The following DIS3L variants were observed in gnomAD, a reference collection of about 807,000 sequenced individuals.
DIS3L encodes the protein DIS3-like exonuclease 1.
DIS3L carries 100 observed loss-of-function variants against 120.3 expected under a neutral mutation model. The observed-to-expected ratio is 0.83, with a 90% CI of 0.71 to 0.98. The LOEUF (loss-of-function observed/expected upper bound fraction) is 0.98. Ranked by LOEUF, DIS3L falls within the 50% of genes least tolerant of loss-of-function variation. DIS3L has a pLI of 0.00. For missense variants in DIS3L, 1,196 were observed against 1,314.2 expected (o/e 0.91, Z 1.39); for synonymous variants, 426 against 470.6 (o/e 0.91, Z 1.23).
intron 12 of DIS3L, among the ~76,000 whole-genome samples, chr15:66,327,297 C>T (rs2092948950): frequency 6.6e-6 from 1 of 152,176 alleles, no homozygotes; most frequent in Non-Finnish European, 1.5e-5. Context: ...TCATGTACCC[C>T]TTAAGTTACA....
Position 66,329,019 on chromosome 15 carries a change from G to A in DIS3L, c.2251G>A (p.Asp751Asn), listed in dbSNP as rs1482699331. Reference sequence around the variant, plus strand: ...TCTGGATAATGCGAACGACCCCCACGATCCCATTGTGAACAGGCTACTGCG... The same window carrying A: ...TCTGGATAATGCGAACGACCCCCACAATCCCATTGTGAACAGGCTACTGCG... ...DSLDNANDPH[D>N]PIVNRLLRSM... Residue 751 changes from aspartate to asparagine, a missense_variant, in exon 13 of 17, where the codon GAT (aspartate) becomes AAT (asparagine). Transcript: ENST00000319212. The A allele has an allele frequency of 3.1e-6, 5 of 1,613,966 alleles. No individual in the cohort carries two copies. The highest frequency in any genetic ancestry group is 2.2e-5 in the East Asian group (1 of 44,900).
intron 8 of DIS3L, among the ~76,000 whole-genome samples, chr15:66,318,886 G>A (rs990742823): frequency 1.7e-4 from 26 of 151,874 alleles, no homozygotes; most frequent in Admixed American, 4.6e-4. Context: ...TCCACCTCCC[G>A]GGTTCAAGCA....
At chr15:66,300,494 G>A (rs2092636613) in intron 2 of DIS3L, among the ~76,000 whole-genome samples, 1 of 152,200 alleles carries the variant, frequency 6.6e-6, no homozygotes, top group African/African-American at 2.4e-5. Flanking sequence ...TTGCATAACT[G>A]TGACTATACT....
At chr15:66,296,713 G>A (rs1387420649) in intron 2 of DIS3L, among the ~76,000 whole-genome samples, 1 of 151,952 alleles carries the variant, frequency 6.6e-6, no homozygotes, top group Non-Finnish European at 1.5e-5. Flanking sequence ...TAGTAGAGAT[G>A]GGGTTTCACC....
At chr15:66,297,785 G>A (rs4255739) in intron 2 of DIS3L, among the ~76,000 whole-genome samples, 149,855 of 152,308 alleles carry the variant, frequency 0.98, 73,764 homozygotes, top group East Asian at 1. Context: ...GGTGTCTGGT[G>A]TAGGATGCTT....
rs2092900369 is a variant in DIS3L at position 66,322,869 on chromosome 15, C to G, written c.1509C>G (p.Val503=). ...ATAATGGCAACCTGGAACTTGGGGTCCACATCGCAGATGTAACACACTTTG... is the reference window on the plus strand; with the variant it reads ...ATAATGGCAACCTGGAACTTGGGGTGCACATCGCAGATGTAACACACTTTG... The part of the protein sequence containing the change: ...TLNNGNLELG[V]HIADVTHFVA... The change falls in exon 10 of 17, where the codon GTC becomes GTG. Residue 503 remains valine (V), a synonymous_variant. Coordinates refer to ENST00000319212, the MANE Select transcript of DIS3L (RefSeq NM_001143688.3). 5.6e-6 allele frequency: 9 copies of G among 1,614,152 alleles called. No individual in the cohort carries two copies. The Middle Eastern group carries it at 4.9e-4, about 89-fold the overall frequency.
intron 10 of DIS3L, 89 bp downstream of exon 10, chr15:66,323,023 T>G: frequency 6.6e-7 from 1 of 1,512,728 alleles, no homozygotes; most frequent in South Asian, 1.3e-5. Flanking sequence ...AAAGATCTCA[T>G]GTTTGTGCAA....
chr15:66,320,127 AAAAAT>A (rs966587965), intron 8 of DIS3L, among the ~76,000 whole-genome samples: 4 of 152,048 alleles, frequency 2.6e-5, no homozygotes, highest in South Asian at 2.1e-4. Context: ...CCATCTCGAA[AAAAAT>A]AAAATAAAAT....
intron 1 of DIS3L, chr15:66,293,989 G>T: frequency 3.0e-6 from 3 of 991,222 alleles, no homozygotes; most frequent in Non-Finnish European, 3.6e-6. Context: ...CGACAGACCC[G>T]CACCCCATGC....
chr15:66,300,608 T>A (rs1035855372), intron 2 of DIS3L, among the ~76,000 whole-genome samples: 1 of 152,198 alleles, frequency 6.6e-6, no homozygotes, highest in Non-Finnish European at 1.5e-5. Context: ...TAGTGATAGA[T>A]TTAGGTACAA....
intron 6 of DIS3L, 97 bp from the exon 7 acceptor site, chr15:66,314,939 G>A: frequency 7.7e-7 from 1 of 1,290,998 alleles, no homozygotes. Context: ...ACTTGCAGGA[G>A]TACTGATTAG....
At chr15:66,321,334 C>T (rs1329185911) in intron 9 of DIS3L, among the ~76,000 whole-genome samples, 1 of 152,170 alleles carries the variant, frequency 6.6e-6, no homozygotes, top group African/African-American at 2.4e-5. Context: ...GCTTCTTTCA[C>T]TTAAAATTAT....
chr15:66,332,557 T>C (rs975917832), intron 15 of DIS3L, among the ~76,000 whole-genome samples, 179 bp from the exon 16 acceptor site: 9 of 148,128 alleles, frequency 6.1e-5, no homozygotes, highest in Non-Finnish European at 1.4e-4. Flanking sequence ...TTAGGGTCTT[T>C]CTTATCCAGC....
rs375879175 is a variant in DIS3L at position 66,332,910 on chromosome 15, C to T, written c.2856C>T (p.Thr952=). The stretch of plus-strand genomic sequence containing the variant: ...CGTTCCATTTGTTTGACCATGTAAC[C>T]GTAAGTCTGTGTTTCTATTAAGTAT... The part of the protein sequence containing the change: ...SVTFHLFDHV[T]VRISIQASRC... The change falls in exon 16 of 17, where the codon ACC becomes ACT. Residue 952 remains threonine, a splice_region_variant and synonymous_variant. Coordinates refer to ENST00000319212, the MANE Select transcript of DIS3L (RefSeq NM_001143688.3). The T allele has an allele frequency of 1.1e-4, 172 of 1,607,532 alleles. No individual in the cohort carries two copies. The highest frequency in any genetic ancestry group is 3.3e-4 in the Middle Eastern group (2 of 6,044).
rs563530480 is a variant in DIS3L at position 66,323,725 on chromosome 15, C to G, written c.1667+140C>G. 6.3e-4 allele frequency: 497 copies of G among 788,474 alleles called. 1 individual carries two copies. The highest frequency in any genetic ancestry group is 6.3e-4 in the Non-Finnish European group (299 of 477,500). The allele number at this position is 788,474 out of a possible 1,614,324, so 48.8% of individuals were successfully genotyped here. On this transcript the variant is annotated intron_variant, in intron 11 of 16. Coordinates refer to ENST00000319212, the MANE Select transcript of DIS3L (RefSeq NM_001143688.3). ...TCCCCTCTGACCTCTCAACCTCACC[C>G]CCGACCCCAACCCCACACCACTTAT... is the stretch of plus-strand genomic sequence containing the variant.
chr15:66,332,968 G>C, intron 16 of DIS3L, 36 bp from the exon 17 acceptor site: 1 of 1,587,526 alleles, frequency 6.3e-7, no homozygotes, highest in Non-Finnish European at 8.6e-7. Flanking sequence ...AATAAATAAT[G>C]TGATTTAGTA....
intron 9 of DIS3L, among the ~76,000 whole-genome samples, chr15:66,321,124 A>T: frequency 6.6e-6 from 1 of 152,206 alleles, no homozygotes; most frequent in East Asian, 1.9e-4. Context: ...GATTCCTGGG[A>T]TCCATACATC....
At chr15:66,299,148 C>T (rs2092620547) in intron 2 of DIS3L, among the ~76,000 whole-genome samples, 2 of 152,138 alleles carry the variant, frequency 1.3e-5, no homozygotes, top group Admixed American at 6.5e-5. Flanking sequence ...CTGTGGCACA[C>T]CCCAGGAGCA....
chr15:66,324,052 G>A (rs184005759), intron 11 of DIS3L, among the ~76,000 whole-genome samples: 15 of 152,202 alleles, frequency 9.9e-5, no homozygotes, highest in African/African-American at 3.6e-4. Flanking sequence ...TTAATGAAAG[G>A]TTCCTCCCTA....
Sources: gnomAD v4.1 joint callset for allele counts (sites outside exome capture counted in the v4.1 genomes callset) on GRCh38, gnomAD v4.1.1 for gene constraint, MANE v1.5 for transcripts, NCBI Gene and HGNC (gene_info 2026-07-23, HGNC 2026-07-21) for gene names.